Variants in SLC9A9 observed in about 807,000 individuals in gnomAD.
SLC9A9 encodes sodium/hydrogen exchanger 9.
SLC9A9 carries 62 observed loss-of-function variants against 77.8 expected under a neutral mutation model. The observed-to-expected ratio is 0.80, with a 90% CI of 0.65 to 0.98. The LOEUF is 0.98. SLC9A9 is among the 50% of genes least tolerant of loss of function. The pLI is 0.00. For missense variants in SLC9A9, 775 were observed against 774.9 expected, an observed-to-expected ratio of 1.00 and a Z score of 0.00; for synonymous variants, 320 against 283.5, an observed-to-expected ratio of 1.13 and a Z score of -1.29.
chr3:143,818,522 G>A (rs891433296), intron 2 of SLC9A9, among the ~76,000 whole-genome samples: 35 of 151,900 alleles, frequency 2.3e-4, no homozygotes, highest in African/African-American at 7.3e-4. Context: ...GGCCAGGCTC[G>A]TCATGAACTC....
At position 143,404,911 on chromosome 3, in the gene SLC9A9, A is replaced by C. The variant is rs577535701; in HGVS notation, c.1470-22797T>G. ...AGATGTCCCTGGATCAGCGTAGCTTAATGTTCAGTTCGTGTTATTTTGGTC... is the reference window on the plus strand; with the variant it reads ...AGATGTCCCTGGATCAGCGTAGCTTCATGTTCAGTTCGTGTTATTTTGGTC... On this transcript the variant is annotated intron_variant, in intron 12 of 15. Transcript: ENST00000316549. 2.6e-5 allele frequency among the ~76,000 whole-genome samples: 4 copies of C among 152,290 alleles called. No homozygotes were observed. In the South Asian group the frequency reaches 8.3e-4, roughly 32 times the overall value.
At chr3:143,522,470 A>G (rs574234332) in intron 9 of SLC9A9, among the ~76,000 whole-genome samples, 2 of 152,298 alleles carry the variant, frequency 1.3e-5, no homozygotes, top group Admixed American at 1.3e-4. Flanking sequence ...TACTCATGAC[A>G]GGCATTTAGT....
chr3:143,522,267 T>C (rs1181210956), intron 9 of SLC9A9, among the ~76,000 whole-genome samples: 1 of 152,166 alleles, frequency 6.6e-6, no homozygotes, highest in Admixed American at 6.5e-5. Context: ...TACCAACAAA[T>C]ATATCCCAAA....
At chr3:143,517,474 T>C in intron 9 of SLC9A9, 1 of 1,597,780 alleles carries the variant, frequency 6.3e-7, no homozygotes, top group Non-Finnish European at 8.5e-7. Context: ...TCTTAACTCG[T>C]TCTGTTCTTT....
chr3:143,307,217 T>C (rs912836005), intron 14 of SLC9A9, among the ~76,000 whole-genome samples: 1 of 152,216 alleles, frequency 6.6e-6, no homozygotes, highest in African/African-American at 2.4e-5. Context: ...GCAATGTTTA[T>C]ACCATGGAAA....
chr3:143,366,958 C>T (rs376730111), intron 13 of SLC9A9, among the ~76,000 whole-genome samples: 1 of 152,186 alleles, frequency 6.6e-6, no homozygotes, highest in East Asian at 1.9e-4. Context: ...CTCCCCTTAG[C>T]TGGGTGAACT....
chr3:143,339,400 C>T (rs963405305), intron 14 of SLC9A9, among the ~76,000 whole-genome samples: 8 of 152,068 alleles, frequency 5.3e-5, no homozygotes, highest in African/African-American at 9.7e-5. Flanking sequence ...ATGCAGCTTC[C>T]GGCTCTCTTG....
intron 14 of SLC9A9, among the ~76,000 whole-genome samples, chr3:143,353,822 TAATAG>T (rs1004790536): frequency 2.6e-5 from 4 of 152,068 alleles, no homozygotes; most frequent in African/African-American, 7.2e-5. Context: ...GAATAAAATA[TAATAG>T]AATAATTATT....
chr3:143,786,652 C>T (rs918938724), intron 4 of SLC9A9, among the ~76,000 whole-genome samples: 1 of 152,192 alleles, frequency 6.6e-6, no homozygotes, highest in African/African-American at 2.4e-5. Context: ...AGAAACCACA[C>T]TGCTATGCAG....
chr3:143,340,122 A>G (rs1367398912), intron 14 of SLC9A9, among the ~76,000 whole-genome samples: 1 of 152,222 alleles, frequency 6.6e-6, no homozygotes, highest in Non-Finnish European at 1.5e-5. Flanking sequence ...ACCACGCTTC[A>G]TCTCCTGAGC....
chr3:143,762,633 C>A (rs1025930519), intron 4 of SLC9A9, among the ~76,000 whole-genome samples: 2 of 152,116 alleles, frequency 1.3e-5, no homozygotes, highest in Non-Finnish European at 2.9e-5. Context: ...GAATTATTTT[C>A]TCAAGTTTAT....
chr3:143,366,139 C>T (rs373167704), intron 13 of SLC9A9, among the ~76,000 whole-genome samples: 56 of 152,244 alleles, frequency 3.7e-4, no homozygotes, highest in African/African-American at 1.2e-3. Flanking sequence ...AATCAGGGGC[C>T]GGGATTCTGG....
chr3:143,842,992 A>G (rs2009743679), intron 1 of SLC9A9, among the ~76,000 whole-genome samples: 1 of 152,154 alleles, frequency 6.6e-6, no homozygotes, highest in Non-Finnish European at 1.5e-5. Context: ...CATTTTATAG[A>G]TGAGAAAAAT....
At chr3:143,452,700 AATG>A (rs1559923328) in intron 12 of SLC9A9, among the ~76,000 whole-genome samples, 4 of 148,024 alleles carry the variant, frequency 2.7e-5, no homozygotes, top group Non-Finnish European at 6.0e-5. Context: ...TTCTAGGTGC[AATG>A]ACGGTACTTT....
intron 14 of SLC9A9, among the ~76,000 whole-genome samples, chr3:143,319,899 T>C (rs1217913538): frequency 6.6e-6 from 1 of 152,238 alleles, no homozygotes; most frequent in African/African-American, 2.4e-5. Flanking sequence ...TCTATTTTCC[T>C]GTCTCTGAAA....
intron 10 of SLC9A9, among the ~76,000 whole-genome samples, chr3:143,494,463 G>C (rs1379354224): frequency 6.6e-6 from 1 of 152,174 alleles, no homozygotes; most frequent in Non-Finnish European, 1.5e-5. Flanking sequence ...TCCAGGTTTT[G>C]GATGAAATTT....
At chr3:143,509,548 A>C (rs1278382492) in intron 9 of SLC9A9, among the ~76,000 whole-genome samples, 2 of 152,192 alleles carry the variant, frequency 1.3e-5, no homozygotes, top group Admixed American at 6.5e-5. Context: ...ACAGTGTAAG[A>C]GTGTATTTCT....
At chr3:143,624,701 G>A (rs1229647020) in intron 6 of SLC9A9, among the ~76,000 whole-genome samples, 1 of 152,092 alleles carries the variant, frequency 6.6e-6, no homozygotes, top group Non-Finnish European at 1.5e-5. Context: ...TCTGAAAACT[G>A]ACACAAGACA....
At chr3:143,655,443 C>T (rs1253887767) in intron 5 of SLC9A9, 1 of 983,476 alleles carries the variant, frequency 1.0e-6, no homozygotes, top group African/African-American at 1.7e-5. Context: ...AATCCGATTT[C>T]TTAAACCTTT....
Sources: allele counts gnomAD v4.1 joint callset (sites outside exome capture counted in the v4.1 genomes callset), GRCh38; gene constraint gnomAD v4.1.1; transcripts MANE v1.5; gene names NCBI Gene and HGNC (gene_info 2026-07-23, HGNC 2026-07-21).